RAB11FIP3: variants seen among roughly 807,000 people sequenced by gnomAD.
RAB11FIP3 encodes RAB11 family interacting protein 3.
In RAB11FIP3, 17 loss-of-function variants were observed where a neutral mutation model predicts 77.8. The ratio of observed to expected loss-of-function variants is 0.22; its 90% CI spans 0.15 to 0.33. The LOEUF (loss-of-function observed/expected upper bound fraction) is 0.33. Among genes scored for constraint, RAB11FIP3 ranks in the 10% least tolerant of loss-of-function variants. The pLI, the probability that RAB11FIP3 is intolerant of heterozygous loss-of-function variation, is 1.00. For missense variants in RAB11FIP3, 1,005 were observed against 1,011.2 expected (o/e 0.99, Z 0.08); for synonymous variants, 437 against 448.2 (o/e 0.98, Z 0.31).
intron 1 of RAB11FIP3, among the ~76,000 whole-genome samples, chr16:432,461 C>A (rs913039083): frequency 1.3e-5 from 2 of 151,832 alleles, no homozygotes; most frequent in Admixed American, 1.3e-4. Context: ...ATCCCCCCAT[C>A]CATTAATATC....
At chr16:509,758 C>T (rs1030287052) in intron 8 of RAB11FIP3, among the ~76,000 whole-genome samples, 1 of 152,218 alleles carries the variant, frequency 6.6e-6, no homozygotes, top group East Asian at 1.9e-4. Context: ...GGGCCCCCCC[C>T]CCACTTGTGG....
rs1377329316 is a variant in RAB11FIP3 at position 428,152 on chromosome 16, G to C, written c.714+1432G>C. Among the ~76,000 whole-genome samples the C allele has an allele frequency of 2.0e-5, 3 of 152,124 alleles. No individual in the cohort carries two copies. The South Asian group carries it at 6.2e-4, about 32-fold the overall frequency. Reference sequence around the variant, plus strand: ...AAAACACAGGGTCCTGATAAATCAGGGTTCCTTGCTGAGTTCACATTAAGA... The same window carrying C: ...AAAACACAGGGTCCTGATAAATCAGCGTTCCTTGCTGAGTTCACATTAAGA... On this transcript the variant is annotated intron_variant, in intron 1 of 13. Transcript: ENST00000262305.
chr16:429,975 G>A (rs113208520), intron 1 of RAB11FIP3, among the ~76,000 whole-genome samples: 11 of 152,082 alleles, frequency 7.2e-5, no homozygotes, highest in African/African-American at 2.7e-4. Flanking sequence ...CAATGTCATG[G>A]TGTGTTTGGA....
At chr16:489,983 C>T (rs1239596390) in intron 5 of RAB11FIP3, among the ~76,000 whole-genome samples, 1 of 152,212 alleles carries the variant, frequency 6.6e-6, no homozygotes, top group Non-Finnish European at 1.5e-5. Context: ...TAGGCACTTT[C>T]CTCTCCCAGC....
Position 514,607 on chromosome 16 carries a change from G to C in RAB11FIP3, c.1640+3807G>C, listed in dbSNP as rs1203779636. 1.3e-5 allele frequency among the ~76,000 whole-genome samples: 2 copies of C among 152,336 alleles called. No homozygotes were observed. Among genetic ancestry groups the C allele is most frequent in the Non-Finnish European group, 2.9e-5 (2 of 68,028 alleles). ...TAGGGACCGGGAAAGGAGAATATGT[G>C]TCATCAGCAGAATGGGGCTGTACGA... On this transcript the variant is annotated intron_variant, in intron 9 of 13. Transcript: ENST00000262305. The surrounding 1 kb of genome is among the most constrained non-coding windows in gnomAD (Gnocchi z 4.6).
chr16:471,694 G>T lies in RAB11FIP3; in HGVS notation c.903+305G>T, dbSNP rs947808910. Among the ~76,000 whole-genome samples the T allele has an allele frequency of 1.3e-5, 2 of 152,200 alleles. No individual in the cohort carries two copies. The highest frequency in any genetic ancestry group is 2.4e-5 in the African/African-American group (1 of 41,452). ...CTGGCAGGCACAGGCGGAGCAGAGG[G>T]CTTGGGAGGATTCCTTTTGTCAACT... is the stretch of plus-strand genomic sequence containing the variant. On this transcript the variant is annotated intron_variant, in intron 3 of 13. Transcript: ENST00000262305. This position sits in a 1 kb window ranked among gnomAD's most constrained non-coding sequence, Gnocchi z 4.4.
intron 1 of RAB11FIP3, among the ~76,000 whole-genome samples, chr16:452,989 C>T (rs1171605930): frequency 1.5e-5 from 1 of 67,724 alleles, no homozygotes; most frequent in Non-Finnish European, 3.0e-5. Context: ...CTCCTGACCT[C>T]GTGATCTGCC....
intron 5 of RAB11FIP3, among the ~76,000 whole-genome samples, chr16:489,945 A>G (rs1367225742): frequency 6.6e-6 from 1 of 152,206 alleles, no homozygotes; most frequent in Admixed American, 6.5e-5. Context: ...GGCATCACAG[A>G]CGGTCCTCAG....
At chr16:489,808 C>G (rs2030010155) in intron 5 of RAB11FIP3, among the ~76,000 whole-genome samples, 1 of 148,216 alleles carries the variant, frequency 6.7e-6, no homozygotes, top group African/African-American at 2.5e-5. Flanking sequence ...CCCATAGGGT[C>G]CCCCTCCTTT....
At chr16:441,468 T>TG (rs1175951999) in intron 1 of RAB11FIP3, among the ~76,000 whole-genome samples, 1 of 152,234 alleles carries the variant, frequency 6.6e-6, no homozygotes, top group African/African-American at 2.4e-5. Context: ...CAGTAAGTCC[T>TG]GCCGATTCAT....
chr16:471,538 C>CT lies in RAB11FIP3; in HGVS notation c.903+150dup, dbSNP rs2055808877. On this transcript the variant is annotated intron_variant, in intron 3 of 13. Transcript: ENST00000262305. The surrounding 1 kb of genome is among the most constrained non-coding windows in gnomAD (Gnocchi z 4.4). ...CCCGCCCTGTGTGCACCGTGGGGCTCTGTGGCTGTGACGGGAGGCCCACAG... is the reference window on the plus strand; with the variant it reads ...CCCGCCCTGTGTGCACCGTGGGGCTCTTGTGGCTGTGACGGGAGGCCCACAG... 1 of 690,024 alleles carries CT rather than the reference C, an allele frequency of 1.4e-6. No homozygotes were observed. The highest frequency in any genetic ancestry group is 2.3e-5 in the Admixed American group (1 of 42,594). The allele number at this position is 690,024 out of a possible 1,614,324, so 42.7% of individuals were successfully genotyped here. A position where few individuals can be genotyped will look rare whatever the true frequency, so the allele number is the denominator to read the frequency against.
At chr16:513,693 G>A (rs1343557298) in intron 9 of RAB11FIP3, among the ~76,000 whole-genome samples, 1 of 152,170 alleles carries the variant, frequency 6.6e-6, no homozygotes. Context: ...GTTCCTTCCA[G>A]CTCTTAAAGC....
rs1360573991 is a variant in RAB11FIP3, at chr16:425,974, C to T, written c.-33C>T. On this transcript the variant is annotated 5_prime_UTR_variant, in exon 1 of 14. Coordinates refer to ENST00000262305, the MANE Select transcript of RAB11FIP3 (RefSeq NM_014700.4). ...GCCCTGAGCGCCTTTGTCTGCCGCC[C>T]GCGCCCTTCCGCACCACTAGCCTCT... 2.6e-6 allele frequency: 2 copies of T among 764,302 alleles called. No homozygotes were observed. Among genetic ancestry groups the T allele is most frequent in the Non-Finnish European group, 2.9e-6 (2 of 696,382 alleles). The allele number at this position is 764,302 out of a possible 1,614,324, so 47.3% of individuals were successfully genotyped here. A position where few individuals can be genotyped will look rare whatever the true frequency, so the allele number is the denominator to read the frequency against.
At chr16:498,375 A>G (rs1416056484) in intron 6 of RAB11FIP3, among the ~76,000 whole-genome samples, 1 of 151,958 alleles carries the variant, frequency 6.6e-6, no homozygotes, top group Non-Finnish European at 1.5e-5. Context: ...GAGTTTCACT[A>G]CGTTGCCCAG....
rs1398108161 is a variant in RAB11FIP3 at position 520,151 on chromosome 16, G to A, written c.1890G>A (p.Glu630=). 1.3e-6 allele frequency: 2 copies of A among 1,546,202 alleles called. No individual in the cohort carries two copies. Among genetic ancestry groups the A allele is most frequent in the South Asian group, 2.4e-5 (2 of 84,168 alleles). ...TCGAGGACCTCCGAAAGCAGCTGGA[G>A]CACCTGCAGCTCCTCAAGCTGGAGG... ...ELIEDLRKQL[E]HLQLLKLEAE... is the part of the protein sequence containing the mutation. Residue 630 remains glutamate (E), a synonymous_variant, in exon 12 of 14, where the codon GAG becomes GAA. Coordinates refer to ENST00000262305, the MANE Select transcript of RAB11FIP3 (RefSeq NM_014700.4).
At chr16:493,438 G>A (rs1054449654) in intron 5 of RAB11FIP3, among the ~76,000 whole-genome samples, 1 of 152,036 alleles carries the variant, frequency 6.6e-6, no homozygotes, top group Non-Finnish European at 1.5e-5. Flanking sequence ...CTTTGTGGGT[G>A]GCAACAGGTG....
chr16:500,148 C>G (rs1300715465), intron 6 of RAB11FIP3, among the ~76,000 whole-genome samples: 1 of 152,138 alleles, frequency 6.6e-6, no homozygotes, highest in African/African-American at 2.4e-5. Flanking sequence ...TGTGCAGAGA[C>G]CGGGGGCTCC....
At chr16:503,162 C>T (rs372513819) in intron 7 of RAB11FIP3, 65 bp downstream of exon 7, 25 of 1,334,226 alleles carry the variant, frequency 1.9e-5, no homozygotes, top group African/African-American at 2.9e-5. Flanking sequence ...GCCTAAGGGC[C>T]GCTGCAGACA....
intron 6 of RAB11FIP3, among the ~76,000 whole-genome samples, chr16:500,073 C>T (rs1398755413): frequency 6.6e-6 from 1 of 152,230 alleles, no homozygotes; most frequent in Non-Finnish European, 1.5e-5. Context: ...CTGCATTGCT[C>T]ACCTCCCTCA....
Sources: gnomAD v4.1 joint callset for allele counts (sites outside exome capture counted in the v4.1 genomes callset) on GRCh38, gnomAD v4.1.1 for gene constraint, Gnocchi (gnomAD v3.1) non-coding constraint, MANE v1.5 for transcripts, NCBI Gene and HGNC (gene_info 2026-07-23, HGNC 2026-07-21) for gene names.